PIP5K1B: variants seen among roughly 807,000 people sequenced by gnomAD.
PIP5K1B encodes phosphatidylinositol 4-phosphate 5-kinase type-1 beta.
In PIP5K1B, 42 loss-of-function variants were observed where a neutral mutation model predicts 67.0. That is an observed-to-expected ratio of 0.63 (90% CI 0.49 to 0.81). The LOEUF (loss-of-function observed/expected upper bound fraction) is 0.81, where lower values mean the gene tolerates loss of function less well. Among genes scored for constraint, PIP5K1B ranks in the 30% least tolerant of loss-of-function variants. The probability of loss-of-function intolerance (pLI) is 0.00; values close to 1 mark genes in which losing one functional copy is unlikely to be tolerated. For synonymous variants in PIP5K1B, 214 were observed against 231.4 expected, an observed-to-expected ratio of 0.92 and a Z score of 0.68; for missense variants, 459 against 646.3, an observed-to-expected ratio of 0.71 and a Z score of 3.14.
At chr9:68,795,223 G>C (rs1832224250) in intron 2 of PIP5K1B, among the ~76,000 whole-genome samples, 1 of 152,034 alleles carries the variant, frequency 6.6e-6, no homozygotes, top group Non-Finnish European at 1.5e-5. Context: ...CAGGCTGGTA[G>C]AACTACATTC....
intron 8 of PIP5K1B, among the ~76,000 whole-genome samples, chr9:68,901,692 CAAAGTT>C (rs1825361564): frequency 6.6e-6 from 1 of 152,144 alleles, no homozygotes; most frequent in Admixed American, 6.6e-5. Flanking sequence ...AAGCATAAAG[CAAAGTT>C]AAAGTTGGTG....
At chr9:68,994,274 T>G (rs976337795) in intron 15 of PIP5K1B, among the ~76,000 whole-genome samples, 1 of 152,078 alleles carries the variant, frequency 6.6e-6, no homozygotes, top group African/African-American at 2.4e-5. Context: ...ACTCCTGACC[T>G]CAGGTGATCC....
chr9:68,850,402 G>T (rs997394539), intron 4 of PIP5K1B, among the ~76,000 whole-genome samples: 4 of 152,144 alleles, frequency 2.6e-5, no homozygotes, highest in African/African-American at 7.2e-5. Context: ...TGTTGAGGGG[G>T]GCTGTTCTGT....
intron 2 of PIP5K1B, among the ~76,000 whole-genome samples, chr9:68,809,453 T>C (rs536668019): frequency 6.6e-6 from 1 of 152,224 alleles, no homozygotes; most frequent in African/African-American, 2.4e-5. Flanking sequence ...CATGAATCCA[T>C]ATAAATTTCC....
chr9:68,755,155 G>T (rs1251229067), intron 2 of PIP5K1B, among the ~76,000 whole-genome samples: 3 of 152,214 alleles, frequency 2.0e-5, no homozygotes, highest in East Asian at 1.9e-4. Context: ...GCATTGTCAA[G>T]ACCTTAGATG....
chr9:68,805,971 C>G lies in PIP5K1B; in HGVS notation c.-85-12490C>G, dbSNP rs115055601. ...TCTCTGTCTGTCTGGAAACACAGGG[C>G]CTTCTCTGTGCATCTTTCCACAGTC... On this transcript the variant is annotated intron_variant, in intron 2 of 15. Transcript: ENST00000265382. Among the ~76,000 whole-genome samples, 1,020 of 152,258 alleles carry G rather than the reference C, an allele frequency of 6.7e-3. 8 individuals are homozygous for G. The highest frequency in any genetic ancestry group is 0.023 in the African/African-American group (965 of 41,532).
chr9:68,816,333 T>C (rs2132046832), intron 2 of PIP5K1B, among the ~76,000 whole-genome samples: 1 of 152,284 alleles, frequency 6.6e-6, no homozygotes, highest in East Asian at 1.9e-4. Context: ...TTCACCATAA[T>C]GGCCAGGCTG....
At chr9:68,945,100 AT>A (rs1192056209) in intron 14 of PIP5K1B, among the ~76,000 whole-genome samples, 1 of 150,060 alleles carries the variant, frequency 6.7e-6, no homozygotes, top group East Asian at 2.0e-4. Context: ...TAACTAAAAT[AT>A]TTCTAGCAGG....
At chr9:68,762,009 C>T (rs1321878334) in intron 2 of PIP5K1B, among the ~76,000 whole-genome samples, 2 of 151,958 alleles carry the variant, frequency 1.3e-5, no homozygotes, top group Non-Finnish European at 2.9e-5. Flanking sequence ...GTTCCCTTTT[C>T]GCACTCTGAA....
At chr9:68,908,730 T>G (rs1483653538) in intron 8 of PIP5K1B, among the ~76,000 whole-genome samples, 1 of 152,192 alleles carries the variant, frequency 6.6e-6, no homozygotes, top group Non-Finnish European at 1.5e-5. Flanking sequence ...GGGGTCTACT[T>G]TGTGAGGAAT....
At chr9:68,718,597 T>C (rs1827738161) in intron 1 of PIP5K1B, among the ~76,000 whole-genome samples, 1 of 152,218 alleles carries the variant, frequency 6.6e-6, no homozygotes, top group African/African-American at 2.4e-5. Context: ...AAACATTTCC[T>C]GATTGCTTGC....
intron 14 of PIP5K1B, among the ~76,000 whole-genome samples, chr9:68,946,163 T>A (rs1219486888): frequency 6.6e-6 from 1 of 152,168 alleles, no homozygotes; most frequent in Non-Finnish European, 1.5e-5. Flanking sequence ...TCTTTAATAT[T>A]TACAAAATGA....
At chr9:68,896,526 C>CAT (rs1825093765) in intron 8 of PIP5K1B, among the ~76,000 whole-genome samples, 1 of 152,166 alleles carries the variant, frequency 6.6e-6, no homozygotes, top group African/African-American at 2.4e-5. Flanking sequence ...TTCTAAGGAA[C>CAT]ATAAAGGTCA....
chr9:68,806,118 G>A (rs1172568926), intron 2 of PIP5K1B, among the ~76,000 whole-genome samples: 2 of 152,158 alleles, frequency 1.3e-5, no homozygotes, highest in African/African-American at 4.8e-5. Context: ...TTCTTGCTTT[G>A]GATAATCTGC....
intron 5 of PIP5K1B, among the ~76,000 whole-genome samples, chr9:68,865,103 C>G (rs779407221): frequency 5.9e-5 from 9 of 152,130 alleles, no homozygotes; most frequent in Non-Finnish European, 1.2e-4. Flanking sequence ...TTTAAATGCT[C>G]TTAGCTGCAG....
At chr9:68,804,913 A>G (rs759296974) in intron 2 of PIP5K1B, among the ~76,000 whole-genome samples, 3 of 152,250 alleles carry the variant, frequency 2.0e-5, no homozygotes, top group Admixed American at 6.5e-5. Flanking sequence ...GGAGTGTTTC[A>G]TATGCATTGG....
At chr9:68,735,493 A>C (rs1258428331) in intron 1 of PIP5K1B, among the ~76,000 whole-genome samples, 1 of 151,972 alleles carries the variant, frequency 6.6e-6, no homozygotes, top group Admixed American at 6.6e-5. Context: ...GGTTCAAGCT[A>C]TTCTTGTGCC....
At chr9:68,921,711 C>T (rs1330142185) in intron 11 of PIP5K1B, among the ~76,000 whole-genome samples, 2 of 152,048 alleles carry the variant, frequency 1.3e-5, no homozygotes, top group Admixed American at 6.6e-5. Flanking sequence ...ATTAGCCAGA[C>T]GTGGTGGCAC....
chr9:68,996,380 G>A (rs1830602411), intron 15 of PIP5K1B, among the ~76,000 whole-genome samples: 1 of 152,108 alleles, frequency 6.6e-6, no homozygotes, highest in African/African-American at 2.4e-5. Flanking sequence ...CCTTCACACT[G>A]TAGAGTCCCA....
Sources: allele counts gnomAD v4.1 joint callset (sites outside exome capture counted in the v4.1 genomes callset), GRCh38; gene constraint gnomAD v4.1.1; transcripts MANE v1.5; gene names NCBI Gene and HGNC (gene_info 2026-07-23, HGNC 2026-07-21).